INTS3: variants seen among roughly 807,000 people sequenced by gnomAD.
The protein encoded by INTS3 is SOSS complex subunit A.
INTS3 carries 34 observed loss-of-function variants against 146.3 expected under a neutral mutation model. The ratio of observed to expected loss-of-function variants is 0.23; its 90% confidence interval spans 0.18 to 0.31. The LOEUF (loss-of-function observed/expected upper bound fraction) is 0.31. INTS3 is among the 10% of genes least tolerant of loss of function. INTS3 has a pLI of 1.00. For synonymous variants in INTS3, 475 were observed against 494.9 expected (o/e 0.96, Z 0.53); for missense variants, 757 against 1,304.2 (o/e 0.58, Z 6.46).
chr1:153,759,559 T>C lies in INTS3; in HGVS notation c.1183T>C (p.Leu395=). 1 of 1,614,024 alleles carries C rather than the reference T, an allele frequency of 6.2e-7. No individual in the cohort carries two copies. Among genetic ancestry groups the C allele is most frequent in the Non-Finnish European group, 8.5e-7 (1 of 1,179,908 alleles). The change falls in exon 11 of 30, where the codon TTG becomes CTG. Residue 395 remains leucine (L), a synonymous_variant. Transcript: ENST00000318967. The part of the protein sequence containing the change: ...NVAASNAKLA[L]FYDWLFFSPD... The stretch of plus-strand genomic sequence containing the variant: ...CGCTGCCTCCAATGCCAAGCTGGCT[T>C]TGTTTTATGACTGGCTGTTCTTTAG...
intron 20 of INTS3, among the ~76,000 whole-genome samples, chr1:153,765,878 T>A (rs1672560503): frequency 6.6e-6 from 1 of 152,110 alleles, no homozygotes; most frequent in Non-Finnish European, 1.5e-5. Context: ...CCTCAATAAT[T>A]TTTTAGTATA....
chr1:153,770,132 G>GTGT (rs756136119), intron 23 of INTS3, 66 bp from the exon 24 acceptor site: 77 of 492,252 alleles, frequency 1.6e-4, no homozygotes, highest in South Asian at 1.3e-3. Context: ...GGGGGTGGGG[G>GTGT]GGGTGTGTGT....
chr1:153,767,738 C>T lies in INTS3; in HGVS notation c.2155C>T (p.Leu719=), dbSNP rs1672649640. The change falls in exon 21 of 30, where the codon CTG becomes TTG. Residue 719 remains leucine, a synonymous_variant. Transcript: ENST00000318967. ...TGCCCAGGCTACCCAGCTGGGCGAT[C>T]TGCACACCTGCCTGATGATGGACAT... The part of the protein sequence containing the change: ...SFAQATQLGD[L]HTCLMMDMKA... The T allele has an allele frequency of 6.2e-7, 1 of 1,613,202 alleles. No individual in the cohort carries two copies.
Position 153,771,907 on chromosome 1 carries a change from C to T in INTS3, c.2664C>T (p.Ala888=), listed in dbSNP as rs1057135101. The T allele has an allele frequency of 5.0e-6, 8 of 1,614,082 alleles. No homozygotes were observed. Among genetic ancestry groups the T allele is most frequent in the Admixed American group, 1.7e-5 (1 of 60,010 alleles). Reference sequence around the variant, plus strand: ...GCATGAAACATGACGAGCTGCTGGCCGAGCACATCAAGTCCCTGCTCATCA... The same window carrying T: ...GCATGAAACATGACGAGCTGCTGGCTGAGCACATCAAGTCCCTGCTCATCA... The part of the protein sequence containing the change: ...HWCMKHDELL[A]EHIKSLLIKN... The change falls in exon 26 of 30, where the codon GCC becomes GCT. Residue 888 remains alanine (A), a synonymous_variant. Transcript: ENST00000318967.
chr1:153,753,066 C>T (rs1672021778), intron 8 of INTS3, among the ~76,000 whole-genome samples: 1 of 151,952 alleles, frequency 6.6e-6, no homozygotes, highest in East Asian at 1.9e-4. Flanking sequence ...CACACACACA[C>T]ACACTCACTC....
At chr1:153,743,787 A>G (rs1462405727) in intron 3 of INTS3, among the ~76,000 whole-genome samples, 1 of 152,104 alleles carries the variant, frequency 6.6e-6, no homozygotes, top group Non-Finnish European at 1.5e-5. Context: ...TCAATAGATA[A>G]AGGTAATGGG....
At position 153,771,968 on chromosome 1, in the gene INTS3, G is replaced by T; in HGVS notation, c.2720+5G>T. The T allele has an allele frequency of 1.2e-6, 2 of 1,611,226 alleles. No individual in the cohort carries two copies. The highest frequency in any genetic ancestry group is 1.7e-6 in the Non-Finnish European group (2 of 1,178,588). ...CCTGCCTCGCAAGAGACAGAGGTGG[G>T]ACACGGTCCCTGTCTACCCTCCAGG... On this transcript the variant is annotated splice_donor_5th_base_variant and intron_variant, in intron 26 of 29. Coordinates refer to ENST00000318967, the MANE Select transcript of INTS3 (RefSeq NM_023015.5).
intron 1 of INTS3, among the ~76,000 whole-genome samples, chr1:153,733,883 G>GTTC (rs1671187348): frequency 6.6e-6 from 1 of 152,076 alleles, no homozygotes; most frequent in African/African-American, 2.4e-5. Flanking sequence ...GACTACAGGC[G>GTTC]TGAGCCACCA....
intron 1 of INTS3, 101 bp from the exon 2 acceptor site, chr1:153,740,550 A>AT (rs924171776): frequency 1.0e-4 from 86 of 833,610 alleles, no homozygotes; most frequent in East Asian, 4.2e-4. Flanking sequence ...AGCTAGATCA[A>AT]TGGGCATGAT....
rs1672758430 is a variant in INTS3, at chr1:153,770,056, GGGGT to G, written c.2390-140_2390-137del. The stretch of plus-strand genomic sequence containing the variant: ...TTGGGGTGCTGGTAGTCAGTGGATT[GGGGT>G]GTGTGTGTGTGTGTGTGTGTGTGTG... On this transcript the variant is annotated intron_variant, in intron 23 of 29. Transcript: ENST00000318967. 1.3e-5 allele frequency: 6 copies of G among 452,560 alleles called. No individual in the cohort carries two copies. The Admixed American group carries it at 2.0e-4, about 15-fold the overall frequency. 28.0% of individuals were successfully genotyped at this position (452,560 alleles called of 1,614,324 possible).
Position 153,740,646 on chromosome 1 carries a change from C to G in INTS3, c.151-5C>G. 1 of 1,611,016 alleles carries G rather than the reference C, an allele frequency of 6.2e-7. No individual in the cohort carries two copies. Among genetic ancestry groups the G allele is most frequent in the Non-Finnish European group, 8.5e-7 (1 of 1,177,224 alleles). On this transcript the variant is annotated splice_region_variant and splice_polypyrimidine_tract_variant and intron_variant, in intron 1 of 29. Transcript: ENST00000318967. ...CACTGTTCATTTTTTCTCACCCCTT[C>G]CCAGAGATTGGAAAGGTGTATGAGC...
chr1:153,740,723 C>T lies in INTS3; in HGVS notation c.223C>T (p.Leu75Phe). 6.2e-7 allele frequency: 1 copy of T among 1,611,974 alleles called. No individual in the cohort carries two copies. Among genetic ancestry groups the T allele is most frequent in the Non-Finnish European group, 8.5e-7 (1 of 1,178,080 alleles). ...GVSEREANDA[L>F]NAYVCKGLPQ... is the part of the protein sequence containing the mutation. ...CTCGGAGAGAGAAGCCAATGATGCC[C>T]TCAATGCGTATGTAAGTAGAATGCT... is the stretch of plus-strand genomic sequence containing the variant. The change falls in exon 2 of 30, where the codon CTC becomes TTC. Residue 75 changes from leucine (L) to phenylalanine (F), a missense_variant. Coordinates refer to ENST00000318967, the MANE Select transcript of INTS3 (RefSeq NM_023015.5).
intron 20 of INTS3, chr1:153,766,609 T>C (rs1672596655): frequency 6.6e-6 from 1 of 151,988 alleles, no homozygotes; most frequent in Non-Finnish European, 1.5e-5. Flanking sequence ...ATTTGTATAT[T>C]TTCTTTGGAG....
At chr1:153,762,927 C>T in intron 15 of INTS3, 80 bp downstream of exon 15, 1 of 1,541,280 alleles carries the variant, frequency 6.5e-7, no homozygotes, top group Non-Finnish European at 8.9e-7. Flanking sequence ...TCTCTGCACT[C>T]TTCCTGTCAC....
chr1:153,763,364 T>G lies in INTS3; in HGVS notation c.1766+2T>G. 6.2e-7 allele frequency: 1 copy of G among 1,613,634 alleles called. No homozygotes were observed. The highest frequency in any genetic ancestry group is 8.5e-7 in the Non-Finnish European group (1 of 1,179,976). On this transcript the variant is annotated splice_donor_variant, in intron 16 of 29. Transcript: ENST00000318967. LOFTEE classifies it high-confidence loss of function. ...AGTACTCCAGCTACAGAAGGGGAGG[T>G]GGGTACAGACCTTGTTCTCAACTTC... is the stretch of plus-strand genomic sequence containing the variant.
At chr1:153,770,147 G>C in intron 23 of INTS3, 51 bp from the exon 24 acceptor site, 3 of 923,652 alleles carry the variant, frequency 3.2e-6, no homozygotes, top group Non-Finnish European at 5.3e-6. Context: ...GTGTGTGTGT[G>C]TGTGTTCGTT....
intron 3 of INTS3, among the ~76,000 whole-genome samples, chr1:153,744,688 T>A (rs1251143382): frequency 6.6e-6 from 1 of 152,202 alleles, no homozygotes; most frequent in Non-Finnish European, 1.5e-5. Flanking sequence ...CTCTCAAGGC[T>A]AGAGAGCAGA....
intron 25 of INTS3, 64 bp from the exon 26 acceptor site, chr1:153,771,732 G>A: frequency 6.6e-7 from 1 of 1,509,584 alleles, no homozygotes; most frequent in Non-Finnish European, 9.0e-7. Flanking sequence ...AAATAAGTGG[G>A]AGAGACCCAG....
intron 5 of INTS3, 53 bp from the exon 6 acceptor site, chr1:153,748,636 G>T: frequency 1.4e-6 from 2 of 1,442,774 alleles, no homozygotes; most frequent in South Asian, 1.1e-5. Context: ...AGATGTATTG[G>T]ATTGGCTGAC....
Sources: allele counts gnomAD v4.1 joint callset (sites outside exome capture counted in the v4.1 genomes callset), GRCh38; gene constraint gnomAD v4.1.1; transcripts MANE v1.5; gene names NCBI Gene and HGNC (gene_info 2026-07-23, HGNC 2026-07-21).